The following TTC28 variants were observed in gnomAD, a reference collection of about 807,000 sequenced individuals.
The protein encoded by TTC28 is tetratricopeptide repeat protein 28.
Under a neutral mutation model 198.0 loss-of-function variants are expected in TTC28, and 61 were observed. The ratio of observed to expected loss-of-function variants is 0.31; its 90% CI spans 0.25 to 0.38. The LOEUF (loss-of-function observed/expected upper bound fraction) is 0.38, where lower values mean the gene tolerates loss of function less well. TTC28 is among the 10% of genes least tolerant of loss of function. The pLI is 1.00. For synonymous variants in TTC28, 1,171 were observed against 1,297.8 expected (o/e 0.90, Z 2.10); for missense variants, 2,678 against 3,164.0 (o/e 0.85, Z 3.69).
chr22:28,487,347 T>C (rs1299984832), intron 2 of TTC28, among the ~76,000 whole-genome samples: 3 of 151,928 alleles, frequency 2.0e-5, no homozygotes, highest in African/African-American at 4.8e-5. Flanking sequence ...CCAGAGATAA[T>C]AGTGGTTAAG....
intron 1 of TTC28, among the ~76,000 whole-genome samples, chr22:28,671,815 A>G (rs1056344607): frequency 1.3e-5 from 2 of 151,320 alleles, no homozygotes; most frequent in Non-Finnish European, 2.9e-5. Flanking sequence ...AACTGGGATT[A>G]CAGGCGCCTG....
chr22:28,079,273 T>C (rs148344952), intron 12 of TTC28, among the ~76,000 whole-genome samples: 1 of 152,292 alleles, frequency 6.6e-6, no homozygotes, highest in Non-Finnish European at 1.5e-5. Context: ...TGGTTTAGGA[T>C]AGAGATGATG....
intron 2 of TTC28, among the ~76,000 whole-genome samples, chr22:28,438,511 T>A (rs1239702969): frequency 6.6e-6 from 1 of 152,216 alleles, no homozygotes; most frequent in Non-Finnish European, 1.5e-5. Context: ...ACATAATTAA[T>A]GTAGCTTATG....
intron 2 of TTC28, among the ~76,000 whole-genome samples, chr22:28,344,583 T>C (rs2045878914): frequency 6.6e-6 from 1 of 152,208 alleles, no homozygotes; most frequent in African/African-American, 2.4e-5. Context: ...TAATTATAAC[T>C]GACAGGCACT....
At chr22:28,061,047 A>C (rs1940512986) in intron 12 of TTC28, among the ~76,000 whole-genome samples, 3 of 152,124 alleles carry the variant, frequency 2.0e-5, no homozygotes, top group Admixed American at 2.0e-4. Context: ...CACATCCTTC[A>C]TCCACTTTTT....
chr22:28,197,446 G>C (rs536367386), intron 5 of TTC28, among the ~76,000 whole-genome samples: 1 of 151,780 alleles, frequency 6.6e-6, no homozygotes, highest in Non-Finnish European at 1.5e-5. Context: ...AAAAGGAATA[G>C]AAATTACACA....
chr22:28,512,596 T>C (rs1051286586), intron 2 of TTC28, among the ~76,000 whole-genome samples: 2 of 152,128 alleles, frequency 1.3e-5, no homozygotes, highest in African/African-American at 4.8e-5. Context: ...TATGCAGCCA[T>C]AAAAAGGAAT....
chr22:28,337,919 C>A (rs1193182851), intron 2 of TTC28, among the ~76,000 whole-genome samples: 1 of 152,188 alleles, frequency 6.6e-6, no homozygotes, highest in Non-Finnish European at 1.5e-5. Context: ...TTGGTTGATG[C>A]AGTTTCTTTC....
intron 5 of TTC28, among the ~76,000 whole-genome samples, chr22:28,255,039 C>A (rs866167507): frequency 6.6e-6 from 1 of 152,070 alleles, no homozygotes; most frequent in South Asian, 2.1e-4. Flanking sequence ...GATCTCAAAC[C>A]ACAAAATAAA....
chr22:28,125,654 G>A (rs899590780), intron 6 of TTC28, among the ~76,000 whole-genome samples: 4 of 152,198 alleles, frequency 2.6e-5, no homozygotes, highest in African/African-American at 7.2e-5. Flanking sequence ...CCTTTATGAT[G>A]TGCTTCTTAT....
intron 2 of TTC28, among the ~76,000 whole-genome samples, chr22:28,461,982 T>C (rs562798141): frequency 6.6e-6 from 1 of 152,318 alleles, no homozygotes; most frequent in African/African-American, 2.4e-5. Flanking sequence ...TCTTCTCTTC[T>C]CTAAACCCAT....
intron 2 of TTC28, among the ~76,000 whole-genome samples, chr22:28,512,241 G>A (rs1271375620): frequency 5.3e-5 from 8 of 151,952 alleles, no homozygotes; most frequent in East Asian, 1.9e-4. Flanking sequence ...AAACCACAAC[G>A]AGATATCATA....
intron 2 of TTC28, among the ~76,000 whole-genome samples, chr22:28,396,185 A>G (rs1037557530): frequency 6.6e-6 from 1 of 152,252 alleles, no homozygotes; most frequent in African/African-American, 2.4e-5. Context: ...AGAGTGACAC[A>G]TCAAAGAATG....
intron 22 of TTC28, among the ~76,000 whole-genome samples, chr22:27,984,139 G>C (rs1233148586): frequency 2.0e-5 from 3 of 152,058 alleles, no homozygotes; most frequent in Non-Finnish European, 4.4e-5. Flanking sequence ...TAAGCAGCAT[G>C]ACCCTGTATC....
At chr22:28,017,404 CG>C (rs1938417917) in intron 13 of TTC28, among the ~76,000 whole-genome samples, 1 of 152,206 alleles carries the variant, frequency 6.6e-6, no homozygotes, top group Non-Finnish European at 1.5e-5. Flanking sequence ...GGGGCAGCAC[CG>C]GGGATAAGTC....
intron 12 of TTC28, among the ~76,000 whole-genome samples, chr22:28,070,249 C>G (rs909567273): frequency 6.6e-6 from 1 of 152,102 alleles, no homozygotes; most frequent in Non-Finnish European, 1.5e-5. Context: ...AATCTCTGCC[C>G]TCAATGGGCC....
At chr22:28,434,054 T>C (rs908207071) in intron 2 of TTC28, among the ~76,000 whole-genome samples, 3 of 152,214 alleles carry the variant, frequency 2.0e-5, no homozygotes, top group Non-Finnish European at 4.4e-5. Context: ...AATGTCAAGC[T>C]TTTTGGGGTT....
At chr22:28,645,353 G>A (rs1048544600) in intron 1 of TTC28, among the ~76,000 whole-genome samples, 1 of 151,802 alleles carries the variant, frequency 6.6e-6, no homozygotes, top group Non-Finnish European at 1.5e-5. Flanking sequence ...ATTCAGGCCG[G>A]CGCGGTAGCT....
intron 5 of TTC28, among the ~76,000 whole-genome samples, chr22:28,248,780 A>T (rs1003449402): frequency 6.6e-5 from 10 of 152,046 alleles, no homozygotes; most frequent in African/African-American, 2.4e-4. Flanking sequence ...TTTGTTTCCT[A>T]CCTCTTTCCG....
Sources: allele counts gnomAD v4.1 joint callset (sites outside exome capture counted in the v4.1 genomes callset), GRCh38; gene constraint gnomAD v4.1.1; transcripts MANE v1.5; gene names NCBI Gene and HGNC (gene_info 2026-07-23, HGNC 2026-07-21).